Variants in VWA3B observed in about 807,000 individuals in gnomAD.
The protein encoded by VWA3B is von Willebrand factor A domain-containing protein 3B.
A neutral mutation model predicts 158.3 loss-of-function variants in VWA3B; 138 were observed. That is an observed-to-expected ratio of 0.87 (90% CI 0.76 to 1.00). The LOEUF (loss-of-function observed/expected upper bound fraction) is 1.00, where lower values mean the gene tolerates loss of function less well. Among genes scored for constraint, VWA3B ranks in the 50% least tolerant of loss-of-function variants. VWA3B has a pLI of 0.00. For missense variants in VWA3B, 1,555 were observed against 1,565.1 expected, an observed-to-expected ratio of 0.99 and a Z score of 0.11; for synonymous variants, 596 against 587.3, an observed-to-expected ratio of 1.01 and a Z score of -0.21.
intron 8 of VWA3B, among the ~76,000 whole-genome samples, chr2:98,179,629 A>ACCTTCCTT (rs1485194130): frequency 1.9e-4 from 29 of 150,436 alleles, no homozygotes; most frequent in African/African-American, 7.1e-4. Flanking sequence ...CACGTGACCT[A>ACCTTCCTT]CCTTCCTTCC....
intron 1 of VWA3B, 126 bp downstream of exon 1, chr2:98,087,489 C>A (rs529571606): frequency 6.6e-6 from 1 of 152,356 alleles, no homozygotes; most frequent in South Asian, 2.1e-4. Context: ...TTTACAGATG[C>A]GGAAACAGTA....
At chr2:98,309,680 C>T (rs1050058771) in intron 26 of VWA3B, among the ~76,000 whole-genome samples, 6 of 152,166 alleles carry the variant, frequency 3.9e-5, no homozygotes, top group African/African-American at 1.4e-4. Flanking sequence ...GAAATTAAGT[C>T]ATTGATTGAA....
At chr2:98,212,767 A>G (rs1288099929) in intron 13 of VWA3B, among the ~76,000 whole-genome samples, 4 of 152,222 alleles carry the variant, frequency 2.6e-5, no homozygotes, top group Non-Finnish European at 5.9e-5. Flanking sequence ...GCAGCTTTAG[A>G]TTTATGACAG....
At chr2:98,186,562 C>A (rs2122752) in intron 9 of VWA3B, among the ~76,000 whole-genome samples, 134,302 of 151,600 alleles carry the variant, frequency 0.89, 59,673 homozygotes, top group East Asian at 0.98. Context: ...CCACCCTTTC[C>A]CGTCCCGGCC....
chr2:98,162,910 A>T lies in VWA3B; in HGVS notation c.1048A>T (p.Thr350Ser). 1 of 1,614,056 alleles carries T rather than the reference A, an allele frequency of 6.2e-7. No individual in the cohort carries two copies. The highest frequency in any genetic ancestry group is 1.1e-5 in the South Asian group (1 of 91,074). The change falls in exon 8 of 28, where the codon ACG (threonine) becomes TCG (serine). Residue 350 changes from threonine to serine, a missense_variant. Physicochemically the swap from Thr to Ser is moderately conservative, Grantham distance 58. Coordinates refer to ENST00000477737, the MANE Select transcript of VWA3B (RefSeq NM_144992.5). The part of the protein sequence containing the change: ...VWQEMEEACS[T>S]LAQIQRLVAE... ...GCAAGAGATGGAGGAAGCCTGCAGC[A>T]CGCTGGCCCAGATCCAGAGGCTGGT...
At chr2:98,214,054 G>T (rs1343037729) in intron 13 of VWA3B, among the ~76,000 whole-genome samples, 1 of 152,026 alleles carries the variant, frequency 6.6e-6, no homozygotes, top group African/African-American at 2.4e-5. Flanking sequence ...AGCTCAGTGT[G>T]GTGGTGTGCA....
chr2:98,187,653 C>A (rs537641529), intron 9 of VWA3B, among the ~76,000 whole-genome samples: 2 of 132,030 alleles, frequency 1.5e-5, no homozygotes, highest in Admixed American at 8.1e-5. Context: ...TCTCCCTCTC[C>A]GTCTCTGTGT....
chr2:98,289,932 C>T (rs1216981390), intron 22 of VWA3B, among the ~76,000 whole-genome samples: 1 of 152,194 alleles, frequency 6.6e-6, no homozygotes, highest in Non-Finnish European at 1.5e-5. Flanking sequence ...AGATATTGCC[C>T]TTGCCAAAAT....
At chr2:98,173,957 ACT>A (rs1391395927) in intron 8 of VWA3B, among the ~76,000 whole-genome samples, 1 of 144,070 alleles carries the variant, frequency 6.9e-6, no homozygotes, top group Non-Finnish European at 1.5e-5. Flanking sequence ...ACAGAGCGAG[ACT>A]CTGTCTCAAA....
chr2:98,200,537 CATCTCA>C lies in VWA3B; in HGVS notation c.1737+6047_1737+6052del, dbSNP rs1558666263. 5.6e-3 allele frequency among the ~76,000 whole-genome samples: 668 copies of C among 119,596 alleles called. 1 individual carries two copies. Among genetic ancestry groups the C allele is most frequent in the Middle Eastern group, 0.026 (6 of 230 alleles). 78.5% of individuals were successfully genotyped at this position (119,596 alleles called of 152,430 possible). On this transcript the variant is annotated intron_variant, in intron 12 of 27. Transcript: ENST00000477737. The stretch of plus-strand genomic sequence containing the variant: ...CAGCCTAGGTGATACAGCAAGACTC[CATCTCA>C]AAAAAAAAAAAAAAAAAAGACTGAC...
intron 20 of VWA3B, among the ~76,000 whole-genome samples, chr2:98,252,570 A>G (rs1353646630): frequency 2.0e-5 from 3 of 152,070 alleles, no homozygotes; most frequent in Admixed American, 2.0e-4. Flanking sequence ...TTCCTTGTTC[A>G]CAGAATCTAT....
chr2:98,140,579 A>C, intron 7 of VWA3B, among the ~76,000 whole-genome samples: 1 of 152,086 alleles, frequency 6.6e-6, no homozygotes, highest in East Asian at 1.9e-4. Context: ...CTCTGTGTGA[A>C]GGTATTCCTG....
At chr2:98,121,712 G>A (rs1674981966) in intron 5 of VWA3B, among the ~76,000 whole-genome samples, 1 of 152,098 alleles carries the variant, frequency 6.6e-6, no homozygotes, top group Admixed American at 6.5e-5. Flanking sequence ...CCCTTGTTTA[G>A]CCAGTGTCGG....
the VWA3B span, among the ~76,000 whole-genome samples, chr2:98,327,564 A>C: frequency 6.6e-6 from 1 of 152,230 alleles, no homozygotes; most frequent in African/African-American, 2.4e-5. Context: ...CCAGTTGAAG[A>C]GCTCTTCTGA....
intron 23 of VWA3B, among the ~76,000 whole-genome samples, chr2:98,295,502 C>T (rs1689748399): frequency 6.6e-6 from 1 of 152,198 alleles, no homozygotes; most frequent in Non-Finnish European, 1.5e-5. Flanking sequence ...GAATACAGGA[C>T]AACCCCGACT....
chr2:98,246,539 G>C (rs953336016), intron 19 of VWA3B, among the ~76,000 whole-genome samples: 11 of 151,804 alleles, frequency 7.2e-5, no homozygotes, highest in African/African-American at 2.7e-4. Flanking sequence ...CACCATGCCT[G>C]GCTCATTTTT....
intron 2 of VWA3B, among the ~76,000 whole-genome samples, chr2:98,112,302 GGGTGTGTGTGT>G: frequency 6.7e-6 from 1 of 148,474 alleles, no homozygotes; most frequent in East Asian, 2.0e-4. Flanking sequence ...GTGTGTGTGT[GGGTGTGTGTGT>G]GTGTGTGTGT....
At position 98,102,759 on chromosome 2, in the gene VWA3B, C is replaced by T. The variant is rs572698275; in HGVS notation, c.196+9471C>T. ...CTCAAAATGATTTGGAAGTGTTCCT[C>T]CTCCTCTATGCTTTGATGGCATTTG... On this transcript the variant is annotated intron_variant, in intron 2 of 27. Coordinates refer to ENST00000477737, the MANE Select transcript of VWA3B (RefSeq NM_144992.5). Among the ~76,000 whole-genome samples, 11 of 152,304 alleles carry T rather than the reference C, an allele frequency of 7.2e-5. No homozygotes were observed. In the East Asian group the frequency reaches 1.7e-3, roughly 24 times the overall value.
chr2:98,198,887 C>T (rs1682283597), intron 12 of VWA3B, among the ~76,000 whole-genome samples: 1 of 152,112 alleles, frequency 6.6e-6, no homozygotes, highest in Non-Finnish European at 1.5e-5. Flanking sequence ...GAGATCAAGA[C>T]CATCCTGGCT....
Sources: allele counts gnomAD v4.1 joint callset (sites outside exome capture counted in the v4.1 genomes callset), GRCh38; gene constraint gnomAD v4.1.1; transcripts MANE v1.5; gene names NCBI Gene and HGNC (gene_info 2026-07-23, HGNC 2026-07-21).